The following SNTB2 variants were observed in gnomAD, a reference collection of about 807,000 sequenced individuals.
SNTB2 encodes the protein syntrophin beta 2.
SNTB2 carries 34 observed loss-of-function variants against 46.2 expected under a neutral mutation model. That is an observed-to-expected ratio of 0.74 (90% confidence interval 0.56 to 0.98). The LOEUF (loss-of-function observed/expected upper bound fraction) is 0.98, where lower values mean the gene tolerates loss of function less well. Among genes scored for constraint, SNTB2 ranks in the 50% least tolerant of loss-of-function variants. The pLI is 0.00. For synonymous variants in SNTB2, 290 were observed against 312.6 expected (o/e 0.93, Z 0.76); for missense variants, 603 against 731.4 (o/e 0.82, Z 2.02).
chr16:69,209,500 C>T (rs1159670285), intron 1 of SNTB2, among the ~76,000 whole-genome samples: 1 of 152,216 alleles, frequency 6.6e-6, no homozygotes, highest in East Asian at 1.9e-4. Flanking sequence ...TCTTGAAATA[C>T]TCTGCTTTAT....
chr16:69,226,055 G>C (rs1304586372), intron 1 of SNTB2, among the ~76,000 whole-genome samples: 1 of 149,202 alleles, frequency 6.7e-6, no homozygotes, highest in Non-Finnish European at 1.5e-5. Flanking sequence ...GGCATGAGAT[G>C]CCCAGTTCTT....
At chr16:69,279,575 G>C (rs570983405) in intron 4 of SNTB2, among the ~76,000 whole-genome samples, 172 of 131,440 alleles carry the variant, frequency 1.3e-3, no homozygotes, top group African/African-American at 4.7e-3. Flanking sequence ...GCCCAGGCTG[G>C]AGTGCAGTGG....
chr16:69,248,307 T>G (rs1220899848), intron 2 of SNTB2, among the ~76,000 whole-genome samples: 1 of 152,212 alleles, frequency 6.6e-6, no homozygotes, highest in Non-Finnish European at 1.5e-5. Flanking sequence ...AGCTTGATCT[T>G]TAAAGGAATT....
intron 4 of SNTB2, among the ~76,000 whole-genome samples, chr16:69,272,756 G>C (rs1567411940): frequency 6.6e-6 from 1 of 151,432 alleles, no homozygotes; most frequent in Non-Finnish European, 1.5e-5. Context: ...GCCAGGCATG[G>C]TGGTATGGAC....
At chr16:69,293,863 G>A (rs1344495530) in intron 5 of SNTB2, among the ~76,000 whole-genome samples, 1 of 152,182 alleles carries the variant, frequency 6.6e-6, no homozygotes, top group Non-Finnish European at 1.5e-5. Context: ...AAGAAATAAC[G>A]GAGGGAGATG....
chr16:69,191,723 C>T (rs963957284), intron 1 of SNTB2, among the ~76,000 whole-genome samples: 6 of 151,984 alleles, frequency 3.9e-5, no homozygotes, highest in Non-Finnish European at 7.4e-5. Flanking sequence ...TCACTGCAAG[C>T]TCCGCCTACC....
intron 1 of SNTB2, among the ~76,000 whole-genome samples, chr16:69,207,644 G>A (rs542531079): frequency 6.6e-6 from 1 of 152,232 alleles, no homozygotes; most frequent in African/African-American, 2.4e-5. Flanking sequence ...ACGTGCAGCT[G>A]GATGAATTTT....
chr16:69,256,128 G>A (rs113306864), intron 2 of SNTB2, among the ~76,000 whole-genome samples: 7,560 of 152,182 alleles, frequency 0.05, 261 homozygotes, highest in Non-Finnish European at 0.071. Flanking sequence ...AGAGGTTGCA[G>A]TGAGCCAAGA....
chr16:69,218,893 T>G (rs1964374049), intron 1 of SNTB2, among the ~76,000 whole-genome samples: 1 of 152,212 alleles, frequency 6.6e-6, no homozygotes, highest in Non-Finnish European at 1.5e-5. Flanking sequence ...GAGGCATAAA[T>G]TCAAAGCAGG....
At chr16:69,223,073 G>A (rs947803321) in intron 1 of SNTB2, among the ~76,000 whole-genome samples, 31 of 151,894 alleles carry the variant, frequency 2.0e-4, no homozygotes, top group Admixed American at 1.7e-3. Context: ...GCGCCCAGCC[G>A]TTTTGTTCTT....
Position 69,300,891 on chromosome 16 carries a change from G to A in SNTB2, c.1590G>A (p.Ser530=), listed in dbSNP as rs751894893. 34 of 1,613,446 alleles carry A rather than the reference G, an allele frequency of 2.1e-5. No individual in the cohort carries two copies. Among genetic ancestry groups the A allele is most frequent in the South Asian group, 7.7e-5 (7 of 91,070 alleles). ...PIVFVLHTFL[S]AKVTRMGLLV ...TATTTGTGTTGCACACGTTTTTATC[G>A]GCCAAAGTCACTCGTATGGGACTGC... The change falls in exon 7 of 7, where the codon TCG becomes TCA. Residue 530 remains serine, a synonymous_variant. Coordinates refer to ENST00000336278, the MANE Select transcript of SNTB2 (RefSeq NM_006750.4).
At position 69,281,821 on chromosome 16, in the gene SNTB2, C is replaced by T. The variant is rs561481817; in HGVS notation, c.1149-2227C>T. Among the ~76,000 whole-genome samples, 37 of 148,750 alleles carry T rather than the reference C, an allele frequency of 2.5e-4. 1 individual carries two copies. Among genetic ancestry groups the T allele is most frequent in the South Asian group, 2.2e-4 (1 of 4,580 alleles). The stretch of plus-strand genomic sequence containing the variant: ...TCATGCCATTGTGCTCCAGCCTGGG[C>T]GAGAAGAGCAAGACTCCATCTTAAG... On this transcript the variant is annotated intron_variant, in intron 4 of 6. Coordinates refer to ENST00000336278, the MANE Select transcript of SNTB2 (RefSeq NM_006750.4).
intron 2 of SNTB2, among the ~76,000 whole-genome samples, chr16:69,257,270 A>G (rs903365187): frequency 2.6e-5 from 4 of 152,066 alleles, no homozygotes; most frequent in African/African-American, 9.7e-5. Flanking sequence ...ATGTTTAGGT[A>G]TAGAATAGGA....
intron 5 of SNTB2, among the ~76,000 whole-genome samples, chr16:69,292,665 C>G (rs1355798948): frequency 6.9e-6 from 1 of 144,958 alleles, no homozygotes; most frequent in South Asian, 2.2e-4. Flanking sequence ...GTTGGCCAGG[C>G]TGGTCTTGAA....
chr16:69,294,817 G>A (rs911863626), intron 5 of SNTB2, among the ~76,000 whole-genome samples: 1 of 149,688 alleles, frequency 6.7e-6, no homozygotes, highest in African/African-American at 2.5e-5. Flanking sequence ...TGTAGTTTTT[G>A]ATTTTTTTTT....
intron 5 of SNTB2, among the ~76,000 whole-genome samples, chr16:69,292,643 G>A (rs1213995239): frequency 6.8e-6 from 1 of 146,056 alleles, no homozygotes; most frequent in East Asian, 2.0e-4. Context: ...AGTAGAGGCG[G>A]GGTTTCACCC....
At chr16:69,261,021 T>C (rs2143091570) in intron 3 of SNTB2, among the ~76,000 whole-genome samples, 1 of 152,080 alleles carries the variant, frequency 6.6e-6, no homozygotes, top group Non-Finnish European at 1.5e-5. Flanking sequence ...TACATCTTTT[T>C]TCTTCACCAT....
In SNTB2 at chr16:69,299,715, T is replaced by A. The variant is rs1965261467; in HGVS notation, c.1471T>A (p.Ser491Thr). Residue 491 changes from serine (S) to threonine (T), a missense_variant, in exon 6 of 7, where the codon TCT (serine) becomes ACT (threonine). Around this residue, in one of 2 missense-constraint regions of SNTB2, gnomAD observed 537 missense variants for 692.4 expected, o/e 0.78. Coordinates refer to ENST00000336278, the MANE Select transcript of SNTB2 (RefSeq NM_006750.4). ...CTACCCCTTTGAAAGGCTGAAGATG[T>A]CTGCTGATGATGGCATCCGAAATCT... ...YRYPFERLKM[S>T]ADDGIRNLYL... The A allele has an allele frequency of 2.5e-6, 4 of 1,614,154 alleles. No homozygotes were observed. The highest frequency in any genetic ancestry group is 3.4e-6 in the Non-Finnish European group (4 of 1,180,020).
chr16:69,229,503 G>T (rs1461753436), intron 1 of SNTB2, among the ~76,000 whole-genome samples: 1 of 143,662 alleles, frequency 7.0e-6, no homozygotes, highest in Non-Finnish European at 1.5e-5. Flanking sequence ...TAAGAGACAT[G>T]GTCTTACTCT....
Sources: gnomAD v4.1 joint callset for allele counts (sites outside exome capture counted in the v4.1 genomes callset) on GRCh38, gnomAD v4.1.1 for gene constraint, gnomAD v4.1.1 regional missense constraint, MANE v1.5 for transcripts, NCBI Gene and HGNC (gene_info 2026-07-23, HGNC 2026-07-21) for gene names.